MARCHF1: variants seen among roughly 807,000 people sequenced by gnomAD.
MARCHF1 encodes the protein membrane associated ring-CH-type finger 1.
MARCHF1 carries 40 observed loss-of-function variants against 54.2 expected under a neutral mutation model. That is an observed-to-expected ratio of 0.74 (90% confidence interval 0.57 to 0.96). The LOEUF (loss-of-function observed/expected upper bound fraction) is 0.96, where lower values mean the gene tolerates loss of function less well. Among genes scored for constraint, MARCHF1 ranks in the 40% least tolerant of loss-of-function variants. The pLI is 0.00. For missense variants in MARCHF1, 586 were observed against 656.5 expected (o/e 0.89, Z 1.17); for synonymous variants, 236 against 236.3 (o/e 1.00, Z 0.01).
At position 163,815,443 on chromosome 4, in the gene MARCHF1, T is replaced by C. The variant is rs538151962; in HGVS notation, c.111+38578A>G. Among the ~76,000 whole-genome samples the C allele has an allele frequency of 2.6e-4, 40 of 152,304 alleles. No individual in the cohort carries two copies. The South Asian group carries it at 7.7e-3, about 29-fold the overall frequency. On this transcript the variant is annotated intron_variant, in intron 4 of 9. Coordinates refer to ENST00000514618, the MANE Select transcript of MARCHF1 (RefSeq NM_001394959.1). Reference sequence around the variant, plus strand: ...CACTGTACTGGTTGATTAATCTTCATTGATTGCATTAAATCATCACAACAG... The same window carrying C: ...CACTGTACTGGTTGATTAATCTTCACTGATTGCATTAAATCATCACAACAG...
At chr4:163,743,781 G>A (rs551608632) in intron 4 of MARCHF1, among the ~76,000 whole-genome samples, 3 of 152,174 alleles carry the variant, frequency 2.0e-5, no homozygotes, top group East Asian at 3.9e-4. Flanking sequence ...GGGTTTCACC[G>A]TGTTAGCTAG....
At chr4:164,028,837 T>C (rs1224759426) in intron 2 of MARCHF1, among the ~76,000 whole-genome samples, 3 of 152,174 alleles carry the variant, frequency 2.0e-5, no homozygotes, top group Non-Finnish European at 4.4e-5. Context: ...GCAGAATGAA[T>C]GGAGTGTTTC....
chr4:163,677,131 G>A lies in MARCHF1; in HGVS notation c.162+23682C>T, dbSNP rs1052352231. The stretch of plus-strand genomic sequence containing the variant: ...AGAAATAGGTAGGTTAACAATTGTC[G>A]TTTGAGATTTTATACACTCCTGTCA... On this transcript the variant is annotated intron_variant, in intron 5 of 9. Coordinates refer to ENST00000514618, the MANE Select transcript of MARCHF1 (RefSeq NM_001394959.1). 5.9e-5 allele frequency among the ~76,000 whole-genome samples: 9 copies of A among 152,100 alleles called. No individual in the cohort carries two copies. The East Asian group carries it at 9.6e-4, about 16-fold the overall frequency.
chr4:163,983,952 T>TTTTTACTAAAAATTTTTTTTTAGTAAA, intron 3 of MARCHF1, among the ~76,000 whole-genome samples: 1 of 114,306 alleles, frequency 8.7e-6, no homozygotes, highest in South Asian at 2.7e-4. Context: ...TTACTAAAAA[T>TTTTTACTAAAAATTTTTTTTTAGTAAA]TTTTACTAAA....
chr4:163,643,226 G>A (rs567840099), intron 5 of MARCHF1, among the ~76,000 whole-genome samples: 2 of 151,858 alleles, frequency 1.3e-5, no homozygotes, highest in South Asian at 2.1e-4. Context: ...TACTCGGGAG[G>A]CTGAGGCAGG....
intron 1 of MARCHF1, among the ~76,000 whole-genome samples, chr4:164,373,967 C>T (rs1731113023): frequency 6.6e-6 from 1 of 152,176 alleles, no homozygotes; most frequent in African/African-American, 2.4e-5. Flanking sequence ...CATGAAACTG[C>T]TCTCTCCATT....
chr4:164,319,785 T>C (rs1010870096), intron 1 of MARCHF1, among the ~76,000 whole-genome samples: 1 of 152,148 alleles, frequency 6.6e-6, no homozygotes, highest in Non-Finnish European at 1.5e-5. Context: ...GACTTATACA[T>C]AGCTGGGGGC....
chr4:163,783,257 A>G (rs951843113), intron 4 of MARCHF1, among the ~76,000 whole-genome samples: 1 of 152,264 alleles, frequency 6.6e-6, no homozygotes, highest in Admixed American at 6.5e-5. Context: ...AATATCACAA[A>G]GCCTAGGAAA....
Position 163,612,651 on chromosome 4 carries a change from A to G in MARCHF1, c.630T>C (p.Val210=), listed in dbSNP as rs1228844305. Reference sequence around the variant, plus strand: ...GCTCTTTACCTTTGGATCCCAGATCAACGAGCTCAATTCCGTTAGGAGTGG... The same window carrying G: ...GCTCTTTACCTTTGGATCCCAGATCGACGAGCTCAATTCCGTTAGGAGTGG... The part of the protein sequence containing the change: ...GSSTPNGIEL[V]DLGSKGKEQQ... The change falls in exon 7 of 10, where the codon GTT becomes GTC. Residue 210 remains valine (V), a synonymous_variant. Coordinates refer to ENST00000514618, the MANE Select transcript of MARCHF1 (RefSeq NM_001394959.1). 1 of 1,535,596 alleles carries G rather than the reference A, an allele frequency of 6.5e-7. No individual in the cohort carries two copies. Among genetic ancestry groups the G allele is most frequent in the African/African-American group, 1.4e-5 (1 of 73,114 alleles).
At chr4:164,146,668 C>A (rs1729752906) in intron 1 of MARCHF1, among the ~76,000 whole-genome samples, 1 of 151,806 alleles carries the variant, frequency 6.6e-6, no homozygotes, top group South Asian at 2.1e-4. Context: ...ATACAAAAAT[C>A]AATTCAAGAT....
intron 4 of MARCHF1, among the ~76,000 whole-genome samples, chr4:163,797,403 T>C (rs1747949705): frequency 6.6e-6 from 1 of 151,792 alleles, no homozygotes. Context: ...TTTGGGCTTC[T>C]TGATATGGAG....
At chr4:163,960,549 G>A (rs1308893939) in intron 3 of MARCHF1, among the ~76,000 whole-genome samples, 8 of 151,920 alleles carry the variant, frequency 5.3e-5, no homozygotes, top group Admixed American at 2.0e-4. Context: ...GCAAACTAAC[G>A]CAGGAATAGA....
intron 1 of MARCHF1, among the ~76,000 whole-genome samples, chr4:164,132,831 A>T (rs1350475809): frequency 6.6e-6 from 1 of 152,134 alleles, no homozygotes; most frequent in Admixed American, 6.6e-5. Flanking sequence ...ATGTGTATGT[A>T]TATTTATTTA....
At chr4:164,027,613 AG>A (rs1753799174) in intron 2 of MARCHF1, among the ~76,000 whole-genome samples, 1 of 152,110 alleles carries the variant, frequency 6.6e-6, no homozygotes, top group South Asian at 2.1e-4. Flanking sequence ...GATGGATTAA[AG>A]ATTTAAGTGT....
intron 4 of MARCHF1, among the ~76,000 whole-genome samples, chr4:163,830,347 C>T (rs946563464): frequency 7.9e-5 from 12 of 151,348 alleles, no homozygotes; most frequent in Non-Finnish European, 1.0e-4. Flanking sequence ...GATATATGCA[C>T]GTATCAGCAC....
chr4:163,531,950 T>C (rs1326673606), intron 9 of MARCHF1, among the ~76,000 whole-genome samples: 1 of 151,896 alleles, frequency 6.6e-6, no homozygotes, highest in Non-Finnish European at 1.5e-5. Context: ...AAAGAATATC[T>C]GAATGAAATA....
intron 5 of MARCHF1, among the ~76,000 whole-genome samples, chr4:163,682,909 A>G (rs750859971): frequency 3.3e-5 from 5 of 152,200 alleles, no homozygotes; most frequent in Admixed American, 6.5e-5. Flanking sequence ...CGTCTTTATT[A>G]GCAGTGTGAG....
Position 163,526,349 on chromosome 4 carries a change from T to G in MARCHF1, c.*2399A>C, listed in dbSNP as rs1331648724. On this transcript the variant is annotated 3_prime_UTR_variant, in exon 10 of 10. Coordinates refer to ENST00000514618, the MANE Select transcript of MARCHF1 (RefSeq NM_001394959.1). ...ACAATATTTTCCATGTTAATTAAAG[T>G]AAATAATTATTTTACTTTCAGAGCA... 6.6e-6 allele frequency: 1 copy of G among 152,048 alleles called. No homozygotes were observed. Among genetic ancestry groups the G allele is most frequent in the Non-Finnish European group, 1.5e-5 (1 of 67,974 alleles). 9.4% of individuals were successfully genotyped at this position (152,048 alleles called of 1,614,324 possible).
intron 3 of MARCHF1, among the ~76,000 whole-genome samples, chr4:163,966,909 G>A (rs754910103): frequency 1.3e-5 from 2 of 152,034 alleles, no homozygotes; most frequent in African/African-American, 2.4e-5. Context: ...GCACAAAGGA[G>A]GGAATTATTC....
Sources: gnomAD v4.1 joint callset for allele counts (sites outside exome capture counted in the v4.1 genomes callset) on GRCh38, gnomAD v4.1.1 for gene constraint, MANE v1.5 for transcripts, NCBI Gene and HGNC (gene_info 2026-07-23, HGNC 2026-07-21) for gene names.